Variants in LRRTM4 observed in about 807,000 individuals in gnomAD.
LRRTM4 encodes the protein leucine rich repeat transmembrane neuronal 4.
Under a neutral mutation model 47.6 loss-of-function variants are expected in LRRTM4, and 25 were observed. The observed-to-expected ratio is 0.53, with a 90% CI of 0.38 to 0.73. The LOEUF is 0.73. LRRTM4 is among the 30% of genes least tolerant of loss of function. The pLI, the probability that LRRTM4 is intolerant of heterozygous loss-of-function variation, is 0.00. For missense variants in LRRTM4, 638 were observed against 713.4 expected (o/e 0.89, Z 1.20); for synonymous variants, 311 against 269.5 (o/e 1.15, Z -1.51).
intron 3 of LRRTM4, among the ~76,000 whole-genome samples, chr2:76,897,018 G>A (rs1673439416): frequency 6.6e-6 from 1 of 151,886 alleles, no homozygotes; most frequent in African/African-American, 2.4e-5. Context: ...TTCTGATGAG[G>A]AAGCCCAGCA....
At chr2:76,797,599 A>T (rs1423160660) in intron 3 of LRRTM4, among the ~76,000 whole-genome samples, 1 of 151,844 alleles carries the variant, frequency 6.6e-6, no homozygotes, top group Non-Finnish European at 1.5e-5. Flanking sequence ...TGACAGGATC[A>T]AATTCACACA....
intron 3 of LRRTM4, among the ~76,000 whole-genome samples, chr2:76,891,049 TAGTC>T (rs916694762): frequency 1.3e-5 from 2 of 151,498 alleles, no homozygotes; most frequent in African/African-American, 4.8e-5. Context: ...GGAATGAAAA[TAGTC>T]AGTTTAAGGT....
At chr2:77,202,750 C>T (rs983137517) in intron 3 of LRRTM4, among the ~76,000 whole-genome samples, 4 of 151,712 alleles carry the variant, frequency 2.6e-5, no homozygotes, top group Admixed American at 1.3e-4. Context: ...ACAGTTATCA[C>T]TTTTATTTGT....
chr2:77,085,602 T>G (rs1358098974), intron 3 of LRRTM4, among the ~76,000 whole-genome samples: 2 of 152,156 alleles, frequency 1.3e-5, no homozygotes, highest in Non-Finnish European at 2.9e-5. Flanking sequence ...ATTTGTTCAT[T>G]TTCAGAAAAT....
At chr2:77,190,604 G>T (rs1673641949) in intron 3 of LRRTM4, among the ~76,000 whole-genome samples, 1 of 152,024 alleles carries the variant, frequency 6.6e-6, no homozygotes, top group Admixed American at 6.6e-5. Flanking sequence ...CCAGCCAACA[G>T]AGCATTTTCT....
chr2:77,206,666 T>C (rs1186766265), intron 3 of LRRTM4, among the ~76,000 whole-genome samples: 3 of 151,954 alleles, frequency 2.0e-5, no homozygotes, highest in African/African-American at 7.3e-5. Context: ...GCATTTTTAG[T>C]AGAGATGGGG....
At chr2:77,171,426 G>C (rs7578916) in intron 3 of LRRTM4, among the ~76,000 whole-genome samples, 5,167 of 151,838 alleles carry the variant, frequency 0.034, 146 homozygotes, top group African/African-American at 0.081. Context: ...ACAAGAGGCC[G>C]CCACCACACC....
intron 3 of LRRTM4, among the ~76,000 whole-genome samples, chr2:76,757,361 A>C (rs182807151): frequency 2.0e-5 from 3 of 152,118 alleles, no homozygotes; most frequent in African/African-American, 7.2e-5. Flanking sequence ...ACAAAGATCC[A>C]TTTCCATCTT....
chr2:76,838,500 CAT>C (rs1262642897), intron 3 of LRRTM4, among the ~76,000 whole-genome samples: 1 of 152,024 alleles, frequency 6.6e-6, no homozygotes, highest in Non-Finnish European at 1.5e-5. Context: ...CTTGCAGAAA[CAT>C]ATTCTGATTT....
chr2:77,227,511 A>T (rs979370513), intron 3 of LRRTM4, among the ~76,000 whole-genome samples: 3 of 152,102 alleles, frequency 2.0e-5, no homozygotes, highest in Admixed American at 2.0e-4. Context: ...TTGGCAATTA[A>T]TCAAGGAGTT....
chr2:77,339,593 A>G (rs538297874), intron 3 of LRRTM4, among the ~76,000 whole-genome samples: 1 of 152,210 alleles, frequency 6.6e-6, no homozygotes, highest in South Asian at 2.1e-4. Context: ...TTGAAGTAAA[A>G]ATGAAGTGGT....
chr2:76,930,078 T>C (rs1674720793), intron 3 of LRRTM4, among the ~76,000 whole-genome samples: 2 of 152,200 alleles, frequency 1.3e-5, no homozygotes, highest in South Asian at 2.1e-4. Flanking sequence ...GAGATCAGTA[T>C]TGTATCAGTT....
intron 3 of LRRTM4, among the ~76,000 whole-genome samples, chr2:76,870,898 C>T (rs1329692122): frequency 6.6e-6 from 1 of 152,156 alleles, no homozygotes; most frequent in African/African-American, 2.4e-5. Flanking sequence ...AATTCTTCAA[C>T]TCAGCCAATC....
chr2:77,503,881 A>G (rs1161117833), intron 3 of LRRTM4, among the ~76,000 whole-genome samples: 1 of 151,710 alleles, frequency 6.6e-6, no homozygotes, highest in African/African-American at 2.4e-5. Flanking sequence ...AAAAAATTAT[A>G]AAATGTGGTG....
chr2:77,514,430 G>A (rs1039581326), intron 3 of LRRTM4, among the ~76,000 whole-genome samples: 1 of 152,000 alleles, frequency 6.6e-6, no homozygotes, highest in African/African-American at 2.4e-5. Flanking sequence ...AAAGTTGTTA[G>A]AAATGGTTTA....
chr2:77,435,809 T>C (rs2103915864), intron 3 of LRRTM4, among the ~76,000 whole-genome samples: 1 of 152,278 alleles, frequency 6.6e-6, no homozygotes, highest in African/African-American at 2.4e-5. Context: ...CACAAAACCT[T>C]CATATAGCTT....
At chr2:77,243,136 G>A (rs527241395) in intron 3 of LRRTM4, among the ~76,000 whole-genome samples, 5 of 152,166 alleles carry the variant, frequency 3.3e-5, no homozygotes, top group Non-Finnish European at 7.4e-5. Flanking sequence ...AATACGGCCA[G>A]GCACGGTGGC....
intron 3 of LRRTM4, among the ~76,000 whole-genome samples, chr2:77,488,926 C>T (rs1157502995): frequency 6.6e-6 from 1 of 151,122 alleles, no homozygotes. Flanking sequence ...ATGCAGCACA[C>T]CAGCATGGCA....
intron 3 of LRRTM4, among the ~76,000 whole-genome samples, chr2:77,138,905 C>A (rs986320732): frequency 1.3e-5 from 2 of 152,094 alleles, no homozygotes; most frequent in African/African-American, 4.8e-5. Flanking sequence ...CACATATATA[C>A]TCCCAAGACT....
Sources: gnomAD v4.1 joint callset for allele counts (sites outside exome capture counted in the v4.1 genomes callset) on GRCh38, gnomAD v4.1.1 for gene constraint, MANE v1.5 for transcripts, NCBI Gene and HGNC (gene_info 2026-07-23, HGNC 2026-07-21) for gene names.